Variants in TMTC1 observed in about 807,000 individuals in gnomAD.
TMTC1 encodes transmembrane O-mannosyltransferase targeting cadherins 1.
In TMTC1, 73 loss-of-function variants were observed where a neutral mutation model predicts 104.8. The observed-to-expected ratio is 0.70, with a 90% CI of 0.58 to 0.85. TMTC1 has a LOEUF of 0.85. TMTC1 is among the 40% of genes least tolerant of loss of function. The probability of loss-of-function intolerance (pLI) is 0.00; values close to 1 mark genes in which losing one functional copy is unlikely to be tolerated. For missense variants in TMTC1, 1,035 were observed against 1,096.1 expected (o/e 0.94, Z 0.79); for synonymous variants, 434 against 428.7 (o/e 1.01, Z -0.15).
At chr12:29,631,654 G>A (rs546219954) in intron 6 of TMTC1, among the ~76,000 whole-genome samples, 4 of 151,998 alleles carry the variant, frequency 2.6e-5, no homozygotes, top group Non-Finnish European at 2.9e-5. Context: ...TCTAGTAATC[G>A]TTGGTTAAAC....
chr12:29,592,410 T>A (rs1298494948), intron 7 of TMTC1, among the ~76,000 whole-genome samples: 1 of 152,208 alleles, frequency 6.6e-6, no homozygotes, highest in African/African-American at 2.4e-5. Flanking sequence ...TAGCCTCCCA[T>A]GCTAGGTGCT....
intron 5 of TMTC1, among the ~76,000 whole-genome samples, chr12:29,664,144 G>A (rs1470847207): frequency 4.7e-5 from 7 of 150,340 alleles, no homozygotes; most frequent in South Asian, 2.1e-4. Flanking sequence ...CCGAGATCCC[G>A]CCACTGCACT....
At chr12:29,576,926 A>T (rs530628772) in intron 8 of TMTC1, among the ~76,000 whole-genome samples, 2 of 152,302 alleles carry the variant, frequency 1.3e-5, no homozygotes, top group South Asian at 4.1e-4. Flanking sequence ...TAAAAAAAGG[A>T]AAAAGAAAGA....
At position 29,645,122 on chromosome 12, in the gene TMTC1, T is replaced by C. The variant is rs193066025; in HGVS notation, c.939-11786A>G. Among the ~76,000 whole-genome samples, 6 of 152,332 alleles carry C rather than the reference T, an allele frequency of 3.9e-5. No individual in the cohort carries two copies. In the East Asian group the frequency reaches 7.7e-4, roughly 20 times the overall value. Reference sequence around the variant, plus strand: ...CTTAAAATAAATGGATTCTATGGGTTTTAAGAAATCAGCCTGATAATAAAA... The same window carrying C: ...CTTAAAATAAATGGATTCTATGGGTCTTAAGAAATCAGCCTGATAATAAAA... On this transcript the variant is annotated intron_variant, in intron 5 of 17. Transcript: ENST00000539277.
chr12:29,719,630 C>T (rs1372135893), intron 5 of TMTC1, among the ~76,000 whole-genome samples: 1 of 152,206 alleles, frequency 6.6e-6, no homozygotes, highest in East Asian at 1.9e-4. Flanking sequence ...CTCTCATTGA[C>T]TCTCCCTCTT....
rs146921786 is a variant in TMTC1 at position 29,542,121 on chromosome 12, A to G, written c.1677-5804T>C. 4.1e-3 allele frequency among the ~76,000 whole-genome samples: 617 copies of G among 152,332 alleles called. 6 individuals carry two copies. Among genetic ancestry groups the G allele is most frequent in the Non-Finnish European group, 7.4e-3 (503 of 68,024 alleles). On this transcript the variant is annotated intron_variant, in intron 10 of 17. Coordinates refer to ENST00000539277, the MANE Select transcript of TMTC1 (RefSeq NM_001193451.2). Reference sequence around the variant, plus strand: ...TCCATGGGTCATTTCTCTGAGTTATATTGAAAGGCCAGAGTTAACTAGCCC... The same window carrying G: ...TCCATGGGTCATTTCTCTGAGTTATGTTGAAAGGCCAGAGTTAACTAGCCC...
chr12:29,550,197 TA>T (rs771628851), intron 10 of TMTC1, among the ~76,000 whole-genome samples: 10 of 152,024 alleles, frequency 6.6e-5, no homozygotes, highest in African/African-American at 1.7e-4. Flanking sequence ...GAAAGCAAAA[TA>T]CAGGTAGTGA....
intron 6 of TMTC1, chr12:29,613,792 A>G (rs370458842): frequency 2.1e-5 from 4 of 194,060 alleles, no homozygotes; most frequent in East Asian, 3.7e-4. Context: ...CTATAGCTCA[A>G]ATGTTTCTGT....
chr12:29,585,162 G>C (rs1318389521), intron 7 of TMTC1, among the ~76,000 whole-genome samples: 1 of 150,766 alleles, frequency 6.6e-6, no homozygotes, highest in Admixed American at 6.6e-5. Context: ...TCTCATTGTG[G>C]TTTTGATTTG....
chr12:29,635,917 G>A (rs1008749157), intron 5 of TMTC1, among the ~76,000 whole-genome samples: 2 of 152,162 alleles, frequency 1.3e-5, no homozygotes, highest in African/African-American at 4.8e-5. Flanking sequence ...GCAAAGCACA[G>A]ATTTTGTTTG....
chr12:29,782,526 T>G (rs1415417393), intron 1 of TMTC1, among the ~76,000 whole-genome samples: 1 of 152,222 alleles, frequency 6.6e-6, no homozygotes, highest in East Asian at 1.9e-4. Flanking sequence ...GACCGGCGCG[T>G]TAAAATGAAC....
At chr12:29,772,835 A>G (rs1340324960) in intron 1 of TMTC1, among the ~76,000 whole-genome samples, 1 of 152,194 alleles carries the variant, frequency 6.6e-6, no homozygotes, top group Non-Finnish European at 1.5e-5. Flanking sequence ...CTCATTAACT[A>G]TATTCCTCAA....
chr12:29,661,514 C>G (rs1378433280), intron 5 of TMTC1: 1 of 158,950 alleles, frequency 6.3e-6, no homozygotes, highest in East Asian at 1.9e-4. Context: ...CTCCACCTCC[C>G]AGGTTCAAGC....
At chr12:29,782,122 G>C (rs1330857744) in intron 1 of TMTC1, among the ~76,000 whole-genome samples, 3 of 152,204 alleles carry the variant, frequency 2.0e-5, no homozygotes, top group African/African-American at 7.2e-5. Context: ...TTGTCCCAAG[G>C]AGATTTTAAG....
intron 9 of TMTC1, among the ~76,000 whole-genome samples, chr12:29,570,233 C>T (rs1243372239): frequency 6.6e-6 from 1 of 151,998 alleles, no homozygotes; most frequent in Non-Finnish European, 1.5e-5. Flanking sequence ...AAGGAATATG[C>T]CTTTTAAAAA....
intron 5 of TMTC1, among the ~76,000 whole-genome samples, chr12:29,734,423 C>T (rs1417771819): frequency 6.6e-6 from 1 of 152,168 alleles, no homozygotes; most frequent in African/African-American, 2.4e-5. Flanking sequence ...TCCCGGATAC[C>T]AGTCCTTCTC....
At position 29,558,435 on chromosome 12, in the gene TMTC1, C is replaced by A. The variant is rs111440120; in HGVS notation, c.1533-1435G>T. On this transcript the variant is annotated intron_variant, in intron 9 of 17. Transcript: ENST00000539277. ...AAGACAATTTGCACTGCTTTTTAATCTTTGCTCTACCCAGAGTCTCTTAAG... is the reference window on the plus strand; with the variant it reads ...AAGACAATTTGCACTGCTTTTTAATATTTGCTCTACCCAGAGTCTCTTAAG... Among the ~76,000 whole-genome samples, 650 of 152,280 alleles carry A rather than the reference C, an allele frequency of 4.3e-3. 6 individuals carry two copies. The highest frequency in any genetic ancestry group is 0.015 in the African/African-American group (618 of 41,552).
chr12:29,751,597 C>T, intron 5 of TMTC1, 69 bp downstream of exon 5: 2 of 1,543,452 alleles, frequency 1.3e-6, no homozygotes, highest in Non-Finnish European at 1.8e-6. Flanking sequence ...CTTCCCCAGG[C>T]ATCCCAGGCT....
chr12:29,662,579 G>A (rs1303266819), intron 5 of TMTC1, among the ~76,000 whole-genome samples: 3 of 149,682 alleles, frequency 2.0e-5, no homozygotes, highest in South Asian at 4.2e-4. Flanking sequence ...GAACCCGGGA[G>A]GCGGAGGTTG....
Sources: gnomAD v4.1 joint callset for allele counts (sites outside exome capture counted in the v4.1 genomes callset) on GRCh38, gnomAD v4.1.1 for gene constraint, MANE v1.5 for transcripts, NCBI Gene and HGNC (gene_info 2026-07-23, HGNC 2026-07-21) for gene names.